The following TBL1X variants were observed in gnomAD, a reference collection of about 807,000 sequenced individuals.
The protein encoded by TBL1X is transducin beta like 1 X-linked.
A neutral mutation model predicts 50.7 loss-of-function variants in TBL1X; 10 were observed. The observed-to-expected ratio is 0.20, with a 90% CI of 0.12 to 0.33. TBL1X has a LOEUF of 0.33. Ranked by LOEUF, TBL1X falls within the 10% of genes least tolerant of loss-of-function variation. The probability of loss-of-function intolerance (pLI) is 1.00; values close to 1 mark genes in which losing one functional copy is unlikely to be tolerated. For synonymous variants in TBL1X, 190 were observed against 214.7 expected (o/e 0.88, Z 1.01); for missense variants, 340 against 504.4 (o/e 0.67, Z 3.12).
intron 2 of TBL1X, among the ~76,000 whole-genome samples, chrX:9,595,110 C>T (rs2082521044): frequency 8.9e-6 from 1 of 112,210 alleles, no homozygotes; most frequent in Non-Finnish European, 1.9e-5. Context: ...GAGCCAGCGC[C>T]ACTGTGCAGT....
At chrX:9,536,802 A>C (rs1473423555) in intron 2 of TBL1X, among the ~76,000 whole-genome samples, 1 of 111,475 alleles carries the variant, frequency 9.0e-6, no homozygotes, top group Non-Finnish European at 1.9e-5. Context: ...TGGGCTGCAG[A>C]GTGAAATTAC....
intron 2 of TBL1X, among the ~76,000 whole-genome samples, chrX:9,536,532 G>A (rs982937163): frequency 9.0e-6 from 1 of 111,639 alleles, no homozygotes; most frequent in Non-Finnish European, 1.9e-5. Flanking sequence ...TTACAGGAGT[G>A]AGCCATTGTG....
At chrX:9,488,261 A>T (rs1211603942) in intron 1 of TBL1X, among the ~76,000 whole-genome samples, 9 of 112,474 alleles carry the variant, frequency 8.0e-5, no homozygotes, top group Non-Finnish European at 1.5e-4. Context: ...TGAAGGCCAG[A>T]AGTCTGAAAT....
rs138056714 is a variant in TBL1X, at chrX:9,584,401, G to A, written c.-130-55872G>A. ...GTATATGGAATGAACTCCACATGAC[G>A]CTCTTGCATGTAAAAAGCAAGACAG... On this transcript the variant is annotated intron_variant, in intron 2 of 17. Coordinates refer to ENST00000645353, the MANE Select transcript of TBL1X (RefSeq NM_005647.4). Among the ~76,000 whole-genome samples, 582 of 112,214 alleles carry A rather than the reference G, an allele frequency of 5.2e-3. 2 individuals carry two copies. Among genetic ancestry groups the A allele is most frequent in the African/African-American group, 0.018 (547 of 30,883 alleles).
At chrX:9,573,714 G>T (rs900361527) in intron 2 of TBL1X, among the ~76,000 whole-genome samples, 9 of 112,850 alleles carry the variant, frequency 8.0e-5, no homozygotes, top group Admixed American at 9.3e-5. Flanking sequence ...GCAGAGTGGA[G>T]CTGGGCTCCC....
chrX:9,677,415 T>G (rs2083000968), intron 5 of TBL1X, among the ~76,000 whole-genome samples: 1 of 109,504 alleles, frequency 9.1e-6, no homozygotes, highest in African/African-American at 3.3e-5. Context: ...AGTGGCTGTT[T>G]GGTATCCATT....
At chrX:9,595,880 A>G (rs1417065711) in intron 2 of TBL1X, among the ~76,000 whole-genome samples, 1 of 112,375 alleles carries the variant, frequency 8.9e-6, no homozygotes, top group Non-Finnish European at 1.9e-5. Flanking sequence ...ATAATATACC[A>G]TGAAATGATG....
At chrX:9,591,600 C>A (rs141321756) in intron 2 of TBL1X, among the ~76,000 whole-genome samples, 86 of 112,133 alleles carry the variant, frequency 7.7e-4, no homozygotes, top group African/African-American at 2.5e-3. Context: ...GGTCATCAGC[C>A]ATCTTGCGGG....
intron 2 of TBL1X, among the ~76,000 whole-genome samples, chrX:9,574,251 C>A (rs1380898760): frequency 9.2e-6 from 1 of 108,965 alleles, no homozygotes; most frequent in African/African-American, 3.3e-5. Context: ...GAGTCCGAGA[C>A]CAGCCTGGGC....
intron 2 of TBL1X, among the ~76,000 whole-genome samples, chrX:9,591,701 C>T (rs2082501040): frequency 9.0e-6 from 1 of 111,428 alleles, no homozygotes; most frequent in Non-Finnish European, 1.9e-5. Flanking sequence ...ACCAGCCTTC[C>T]AGAGCTCAGA....
At chrX:9,536,606 G>A in intron 2 of TBL1X, among the ~76,000 whole-genome samples, 1 of 111,603 alleles carries the variant, frequency 9.0e-6, no homozygotes, top group Non-Finnish European at 1.9e-5. Context: ...GCCCTGTAAA[G>A]TTAAATAAGT....
chrX:9,672,670 C>T (rs1322040016), intron 5 of TBL1X, among the ~76,000 whole-genome samples: 1 of 111,485 alleles, frequency 9.0e-6, no homozygotes, highest in Admixed American at 9.5e-5. Context: ...AGTGACTCCT[C>T]CCCTCCAAGT....
At chrX:9,485,362 T>C (rs1433409400) in intron 1 of TBL1X, among the ~76,000 whole-genome samples, 1 of 112,498 alleles carries the variant, frequency 8.9e-6, no homozygotes, top group Non-Finnish European at 1.9e-5. Context: ...ATGTTGCTTA[T>C]GGTTTGAAGC....
Position 9,646,482 on chromosome X carries a change from A to G in TBL1X, c.-43+6122A>G, listed in dbSNP as rs747536639. Among the ~76,000 whole-genome samples, 9 of 112,472 alleles carry G rather than the reference A, an allele frequency of 8.0e-5. 1 individual carries two copies. Among genetic ancestry groups the G allele is most frequent in the Non-Finnish European group, 1.3e-4 (7 of 53,340 alleles). ...ATAAACTCAGTTTACATCTGAGCAG[A>G]GAAAAGAGCCGCTGCCTCCAAATGG... On this transcript the variant is annotated intron_variant, in intron 3 of 17. Coordinates refer to ENST00000645353, the MANE Select transcript of TBL1X (RefSeq NM_005647.4).
intron 12 of TBL1X, among the ~76,000 whole-genome samples, chrX:9,701,476 G>A (rs1276924666): frequency 9.8e-6 from 1 of 102,423 alleles, no homozygotes; most frequent in Non-Finnish European, 2.0e-5. Context: ...GATCAGGAAT[G>A]TCCAGTCTTT....
intron 5 of TBL1X, among the ~76,000 whole-genome samples, chrX:9,677,852 G>A (rs756945309): frequency 5.2e-4 from 58 of 112,074 alleles, no homozygotes; most frequent in Non-Finnish European, 7.7e-4. Context: ...TTTTAGAATT[G>A]AAAGGGACCT....
chrX:9,497,764 C>CT (rs2081978920), intron 1 of TBL1X, among the ~76,000 whole-genome samples: 3 of 80,617 alleles, frequency 3.7e-5, no homozygotes, highest in Non-Finnish European at 7.1e-5. Context: ...CTCCCTCCCT[C>CT]CCTCCCTCCC....
chrX:9,578,722 A>G lies in TBL1X; in HGVS notation c.-130-61551A>G, dbSNP rs1413234677. On this transcript the variant is annotated intron_variant, in intron 2 of 17. Coordinates refer to ENST00000645353, the MANE Select transcript of TBL1X (RefSeq NM_005647.4). ...GGCTGTTTCTTTTAAAGATACTGCA[A>G]ATTGCGGCAGCATTTATCATCCTAA... Among the ~76,000 whole-genome samples, 2 of 111,915 alleles carry G rather than the reference A, an allele frequency of 1.8e-5. 1 individual carries two copies. The highest frequency in any genetic ancestry group is 5.6e-4 in the East Asian group (2 of 3,573).
At chrX:9,596,347 A>G (rs1175310865) in intron 2 of TBL1X, among the ~76,000 whole-genome samples, 8 of 112,355 alleles carry the variant, frequency 7.1e-5, no homozygotes, top group Admixed American at 2.8e-4. Context: ...CCAGCTATCC[A>G]TAGAAAACAA....
Sources: allele counts gnomAD v4.1 joint callset (sites outside exome capture counted in the v4.1 genomes callset), GRCh38; gene constraint gnomAD v4.1.1; transcripts MANE v1.5; gene names NCBI Gene and HGNC (gene_info 2026-07-23, HGNC 2026-07-21).